Variants in SLIT3 observed in about 807,000 individuals in gnomAD.
SLIT3 encodes the protein slit homolog 3 protein.
Under a neutral mutation model 184.0 loss-of-function variants are expected in SLIT3, and 68 were observed. The ratio of observed to expected loss-of-function variants is 0.37; its 90% confidence interval spans 0.30 to 0.45. The LOEUF (loss-of-function observed/expected upper bound fraction) is 0.45. Among genes scored for constraint, SLIT3 ranks in the 20% least tolerant of loss-of-function variants. SLIT3 has a pLI of 1.00. For synonymous variants in SLIT3, 831 were observed against 828.6 expected, an observed-to-expected ratio of 1.00 and a Z score of -0.05; for missense variants, 1,707 against 2,026.0, an observed-to-expected ratio of 0.84 and a Z score of 3.02.
At chr5:168,890,221 T>C (rs12153426) in intron 4 of SLIT3, among the ~76,000 whole-genome samples, 1 of 149,566 alleles carries the variant, frequency 6.7e-6, no homozygotes, top group African/African-American at 2.5e-5. Context: ...GTCTCTAAAC[T>C]CACACTATGG....
At chr5:169,108,660 G>C (rs1453896870) in intron 4 of SLIT3, among the ~76,000 whole-genome samples, 1 of 152,056 alleles carries the variant, frequency 6.6e-6, no homozygotes, top group Non-Finnish European at 1.5e-5. Flanking sequence ...TTGGTGGATG[G>C]GGTAGCTTTG....
At chr5:169,016,093 C>T (rs565111990) in intron 4 of SLIT3, among the ~76,000 whole-genome samples, 6 of 152,230 alleles carry the variant, frequency 3.9e-5, no homozygotes, top group East Asian at 1.9e-4. Context: ...GAGCCCCAGC[C>T]GCAGACCAGG....
chr5:168,902,816 A>T (rs892184836), intron 4 of SLIT3, among the ~76,000 whole-genome samples: 17 of 152,312 alleles, frequency 1.1e-4, no homozygotes, highest in Admixed American at 7.8e-4. Flanking sequence ...CATGACATAC[A>T]TGAATTTGAG....
chr5:168,918,931 A>G (rs774862087), intron 4 of SLIT3, among the ~76,000 whole-genome samples: 6 of 152,192 alleles, frequency 3.9e-5, no homozygotes, highest in Non-Finnish European at 8.8e-5. Flanking sequence ...TAAAATGTTC[A>G]TGCCCTTTGC....
At chr5:168,933,985 G>A (rs1292726024) in intron 4 of SLIT3, among the ~76,000 whole-genome samples, 1 of 152,142 alleles carries the variant, frequency 6.6e-6, no homozygotes, top group Non-Finnish European at 1.5e-5. Flanking sequence ...GGTGCTGCTT[G>A]CCCAATTCCT....
At chr5:169,256,906 C>G (rs995579422) in intron 1 of SLIT3, among the ~76,000 whole-genome samples, 3 of 152,060 alleles carry the variant, frequency 2.0e-5, no homozygotes, top group African/African-American at 7.2e-5. Flanking sequence ...CTTAGGATAC[C>G]ATGGGAATCA....
At chr5:168,844,348 G>A (rs923160283) in intron 6 of SLIT3, among the ~76,000 whole-genome samples, 1 of 152,162 alleles carries the variant, frequency 6.6e-6, no homozygotes, top group African/African-American at 2.4e-5. Context: ...TAATTAGCAG[G>A]AACCTCAGTT....
intron 3 of SLIT3, among the ~76,000 whole-genome samples, chr5:169,207,033 C>G (rs10073160): frequency 0.071 from 10,408 of 146,588 alleles, 457 homozygotes; most frequent in South Asian, 0.13. Context: ...CTGATTGAAT[C>G]TTTTCCTTAT....
chr5:168,741,749 A>C (rs912771999), intron 20 of SLIT3, among the ~76,000 whole-genome samples: 10 of 151,282 alleles, frequency 6.6e-5, no homozygotes, highest in African/African-American at 2.4e-4. Flanking sequence ...AGGAAGGTTA[A>C]TAATCAGCAC....
At chr5:169,048,681 T>C (rs773385318) in intron 4 of SLIT3, among the ~76,000 whole-genome samples, 3 of 152,192 alleles carry the variant, frequency 2.0e-5, no homozygotes, top group Non-Finnish European at 4.4e-5. Context: ...CCCAGTACAG[T>C]AATACACATT....
intron 18 of SLIT3, 149 bp from the exon 19 acceptor site, chr5:168,749,784 G>A (rs777726941): frequency 5.1e-6 from 4 of 777,630 alleles, no homozygotes; most frequent in Non-Finnish European, 8.2e-6. Flanking sequence ...TCTCTGTGAG[G>A]GTCTCATTCC....
At chr5:169,186,844 T>C (rs755330218) in intron 4 of SLIT3, among the ~76,000 whole-genome samples, 41 of 135,712 alleles carry the variant, frequency 3.0e-4, no homozygotes, top group Non-Finnish European at 5.5e-4. Context: ...CTTGAACTTT[T>C]TGGTGGGGAA....
intron 4 of SLIT3, among the ~76,000 whole-genome samples, chr5:168,998,266 C>A (rs1755581765): frequency 6.6e-6 from 1 of 152,202 alleles, no homozygotes; most frequent in Non-Finnish European, 1.5e-5. Context: ...ATAGAAAGGA[C>A]AACCAGCACC....
At chr5:169,096,163 C>T (rs1036555586) in intron 4 of SLIT3, among the ~76,000 whole-genome samples, 1 of 152,206 alleles carries the variant, frequency 6.6e-6, no homozygotes, top group Middle Eastern at 3.2e-3. Flanking sequence ...TCAACAATCC[C>T]TACTGGAAAT....
At chr5:169,085,676 C>T (rs1759265025) in intron 4 of SLIT3, among the ~76,000 whole-genome samples, 1 of 152,182 alleles carries the variant, frequency 6.6e-6, no homozygotes, top group African/African-American at 2.4e-5. Context: ...CACAGCCTGC[C>T]CCAGCTCAGC....
chr5:168,932,794 C>A (rs1392576932), intron 4 of SLIT3, among the ~76,000 whole-genome samples: 2 of 152,258 alleles, frequency 1.3e-5, no homozygotes, highest in Non-Finnish European at 2.9e-5. Flanking sequence ...CTAAACCACA[C>A]TGTGCATGTA....
chr5:168,695,572 C>T (rs930638142), intron 28 of SLIT3, among the ~76,000 whole-genome samples: 2 of 152,186 alleles, frequency 1.3e-5, no homozygotes, highest in East Asian at 1.9e-4. Flanking sequence ...CATAACAAAG[C>T]GGGCTGTGTT....
At chr5:168,908,399 G>T (rs1330386969) in intron 4 of SLIT3, among the ~76,000 whole-genome samples, 1 of 152,102 alleles carries the variant, frequency 6.6e-6, no homozygotes, top group Non-Finnish European at 1.5e-5. Context: ...GTGAGGGCAG[G>T]TTTCCAGCAG....
At chr5:169,269,489 C>A (rs1284860251) in intron 1 of SLIT3, among the ~76,000 whole-genome samples, 1 of 152,252 alleles carries the variant, frequency 6.6e-6, no homozygotes, top group East Asian at 1.9e-4. Flanking sequence ...TCATTCCAAG[C>A]CCCATGACTT....
Sources: allele counts gnomAD v4.1 joint callset (sites outside exome capture counted in the v4.1 genomes callset), GRCh38; gene constraint gnomAD v4.1.1; transcripts MANE v1.5; gene names NCBI Gene and HGNC (gene_info 2026-07-23, HGNC 2026-07-21).